The following NRXN3 variants were observed in gnomAD, a reference collection of about 807,000 sequenced individuals.
NRXN3 encodes neurexin 3.
NRXN3 carries 32 observed loss-of-function variants against 137.6 expected under a neutral mutation model. The observed-to-expected ratio is 0.23, with a 90% CI of 0.18 to 0.31. The LOEUF (loss-of-function observed/expected upper bound fraction) is 0.31, where lower values mean the gene tolerates loss of function less well. NRXN3 is among the 10% of genes least tolerant of loss of function. NRXN3 has a pLI of 1.00. For synonymous variants in NRXN3, 798 were observed against 784.5 expected (o/e 1.02, Z -0.29); for missense variants, 1,574 against 2,062.5 (o/e 0.76, Z 4.59).
chr14:78,974,431 T>C (rs1002778323), intron 14 of NRXN3, among the ~76,000 whole-genome samples: 1 of 152,208 alleles, frequency 6.6e-6, no homozygotes, highest in Non-Finnish European at 1.5e-5. Flanking sequence ...GGCAAAATAA[T>C]CTGAAAGTTC....
chr14:79,624,786 T>A (rs2098263759), intron 16 of NRXN3, among the ~76,000 whole-genome samples: 1 of 140,984 alleles, frequency 7.1e-6, no homozygotes, highest in African/African-American at 2.7e-5. Context: ...CTCTCTTTCT[T>A]TCCCGTTTTT....
intron 8 of NRXN3, among the ~76,000 whole-genome samples, chr14:78,794,429 CTTATGTGT>C (rs2098815004): frequency 6.6e-6 from 1 of 152,232 alleles, no homozygotes; most frequent in Admixed American, 6.5e-5. Flanking sequence ...CACCAGTTGT[CTTATGTGT>C]TTAATAATAT....
chr14:78,610,127 C>T (rs927261017), intron 4 of NRXN3, among the ~76,000 whole-genome samples: 1 of 151,938 alleles, frequency 6.6e-6, no homozygotes, highest in African/African-American at 2.4e-5. Context: ...AGAGTTTTGT[C>T]AAGTATCTTA....
chr14:78,744,284 A>G (rs1186426276), intron 8 of NRXN3: 3 of 152,152 alleles, frequency 2.0e-5, no homozygotes, highest in Non-Finnish European at 2.9e-5. Context: ...GGATTACAGC[A>G]TACCTGGCTA....
intron 15 of NRXN3, among the ~76,000 whole-genome samples, chr14:79,350,689 A>C (rs2093162497): frequency 6.6e-6 from 1 of 152,194 alleles, no homozygotes; most frequent in Admixed American, 6.5e-5. Flanking sequence ...GAAGCCGATT[A>C]AGTATTGATA....
At chr14:79,216,998 G>A (rs527319884) in intron 15 of NRXN3, among the ~76,000 whole-genome samples, 7 of 152,134 alleles carry the variant, frequency 4.6e-5, no homozygotes, top group African/African-American at 9.6e-5. Flanking sequence ...TTAGCCAGGC[G>A]TGGTGGCACA....
chr14:78,497,873 G>A (rs2095814788), intron 4 of NRXN3, among the ~76,000 whole-genome samples: 1 of 152,186 alleles, frequency 6.6e-6, no homozygotes, highest in South Asian at 2.1e-4. Context: ...GTATCGAAGA[G>A]TTGTTATAAG....
chr14:79,053,958 G>T (rs556686216), intron 15 of NRXN3, among the ~76,000 whole-genome samples: 19 of 152,132 alleles, frequency 1.2e-4, no homozygotes, highest in Middle Eastern at 6.8e-3. Flanking sequence ...TCCTCTTGCA[G>T]CTGGGTCTTA....
intron 4 of NRXN3, among the ~76,000 whole-genome samples, chr14:78,530,327 G>A (rs2096442904): frequency 6.6e-6 from 1 of 152,180 alleles, no homozygotes; most frequent in African/African-American, 2.4e-5. Flanking sequence ...CTCAGTTTGG[G>A]ACAGGGCTCT....
intron 15 of NRXN3, among the ~76,000 whole-genome samples, chr14:79,317,035 A>AGCCT (rs1239024721): frequency 1.3e-5 from 2 of 152,048 alleles, no homozygotes; most frequent in Non-Finnish European, 2.9e-5. Flanking sequence ...GTTCGAGACC[A>AGCCT]GCCTGGCTGA....
At chr14:79,347,361 A>T (rs984590567) in intron 15 of NRXN3, among the ~76,000 whole-genome samples, 1 of 152,076 alleles carries the variant, frequency 6.6e-6, no homozygotes, top group Non-Finnish European at 1.5e-5. Context: ...GTGATTATTC[A>T]GTGCCACTTT....
intron 19 of NRXN3, among the ~76,000 whole-genome samples, chr14:79,786,089 C>T (rs2099128619): frequency 6.6e-6 from 1 of 152,140 alleles, no homozygotes; most frequent in Non-Finnish European, 1.5e-5. Flanking sequence ...ATCAGTTCTT[C>T]TTCTGCACTG....
At chr14:79,363,563 G>A (rs1034184814) in intron 15 of NRXN3, among the ~76,000 whole-genome samples, 25 of 149,242 alleles carry the variant, frequency 1.7e-4, no homozygotes, top group Non-Finnish European at 2.4e-4. Context: ...ATCTTAAATG[G>A]TATCTGGTGT....
At chr14:78,829,625 A>G (rs1424966966) in intron 10 of NRXN3, among the ~76,000 whole-genome samples, 3 of 152,172 alleles carry the variant, frequency 2.0e-5, no homozygotes, top group African/African-American at 7.2e-5. Context: ...TCCCAAAAGA[A>G]TCAACTCAAG....
intron 4 of NRXN3, among the ~76,000 whole-genome samples, chr14:78,488,732 AAG>A (rs2153747312): frequency 6.6e-6 from 1 of 151,252 alleles, no homozygotes; most frequent in East Asian, 2.0e-4. Flanking sequence ...AAGGCAAAAG[AAG>A]AGAAGAAGGA....
intron 6 of NRXN3, among the ~76,000 whole-genome samples, chr14:78,662,150 G>A (rs576887758): frequency 4.6e-5 from 7 of 152,020 alleles, no homozygotes; most frequent in African/African-American, 1.7e-4. Flanking sequence ...GGGATTACAG[G>A]CATAAGCCAC....
intron 19 of NRXN3, among the ~76,000 whole-genome samples, chr14:79,729,359 A>G (rs1380631085): frequency 3.3e-5 from 5 of 152,182 alleles, no homozygotes; most frequent in Non-Finnish European, 5.9e-5. Flanking sequence ...GAGAAAAAGA[A>G]AAGCATGCCT....
chr14:79,096,388 G>A (rs1013966591), intron 15 of NRXN3, among the ~76,000 whole-genome samples: 5 of 152,002 alleles, frequency 3.3e-5, no homozygotes, highest in African/African-American at 1.2e-4. Flanking sequence ...AGGATTACAG[G>A]CATGAGCCAC....
chr14:79,409,159 T>A (rs918746700), intron 15 of NRXN3, among the ~76,000 whole-genome samples: 2 of 151,992 alleles, frequency 1.3e-5, no homozygotes, highest in Non-Finnish European at 2.9e-5. Context: ...AATATATGAA[T>A]GCTTGCTAAG....
Sources: gnomAD v4.1 joint callset for allele counts (sites outside exome capture counted in the v4.1 genomes callset) on GRCh38, gnomAD v4.1.1 for gene constraint, MANE v1.5 for transcripts, NCBI Gene and HGNC (gene_info 2026-07-23, HGNC 2026-07-21) for gene names.